Variants in GOLGA5 observed in about 807,000 individuals in gnomAD.
GOLGA5 encodes golgin subfamily A member 5.
Under a neutral mutation model 93.5 loss-of-function variants are expected in GOLGA5, and 50 were observed. The ratio of observed to expected loss-of-function variants is 0.53; its 90% CI spans 0.43 to 0.68. GOLGA5 has a LOEUF of 0.68. Ranked by LOEUF, GOLGA5 falls within the 30% of genes least tolerant of loss-of-function variation. The pLI is 0.00. For missense variants in GOLGA5, 760 were observed against 856.4 expected (o/e 0.89, Z 1.40); for synonymous variants, 312 against 304.5 (o/e 1.02, Z -0.26).
intron 7 of GOLGA5, among the ~76,000 whole-genome samples, chr14:92,818,282 G>A (rs1044132106): frequency 6.6e-6 from 1 of 152,200 alleles, no homozygotes; most frequent in African/African-American, 2.4e-5. Context: ...GAGCACGTAT[G>A]TTCCAGATAC....
rs147927461 is a variant in GOLGA5, at chr14:92,811,754, A to G, written c.1320A>G (p.Gln440=). 3.1e-6 allele frequency: 5 copies of G among 1,597,974 alleles called. No individual in the cohort carries two copies. The East Asian group carries it at 6.7e-5, about 21-fold the overall frequency. Residue 440 remains glutamine, a splice_region_variant and synonymous_variant, in exon 6 of 13, where the codon CAA becomes CAG. Coordinates refer to ENST00000163416, the MANE Select transcript of GOLGA5 (RefSeq NM_005113.4). ...AGCAAAAAGCTACTAGAATACTGCA[A>G]GTAAGCATGAAATGTACACTTTTGG... is the stretch of plus-strand genomic sequence containing the variant. ...DYKQKATRIL[Q]SKEKLINSLK...
In GOLGA5 at chr14:92,824,567, G is replaced by A. The variant is rs1229070924; in HGVS notation, c.1642G>A (p.Asp548Asn). ...GCAGGAGTTCCACTATATAGAAGAA[G>A]ATCTTTATCGAACAAAGAACACATT... ...LKQEFHYIEE[D>N]LYRTKNTLQS... The change falls in exon 9 of 13, where the codon GAT becomes AAT. Residue 548 changes from aspartate to asparagine, a missense_variant. Transcript: ENST00000163416. 6.3e-7 allele frequency: 1 copy of A among 1,597,152 alleles called. No homozygotes were observed. Among genetic ancestry groups the A allele is most frequent in the Non-Finnish European group, 8.6e-7 (1 of 1,167,086 alleles).
At chr14:92,833,062 A>G in intron 9 of GOLGA5, 60 bp from the exon 10 acceptor site, 2 of 913,686 alleles carry the variant, frequency 2.2e-6, no homozygotes, top group Admixed American at 3.5e-5. Context: ...TAGTAGTGTG[A>G]TTTCTGTATT....
At chr14:92,807,162 T>C (rs757511882) in intron 3 of GOLGA5, among the ~76,000 whole-genome samples, 199 bp downstream of exon 3, 1 of 151,866 alleles carries the variant, frequency 6.6e-6, no homozygotes, top group Non-Finnish European at 1.5e-5. Context: ...ATTAGTCAGA[T>C]GTGGTTGCAG....
chr14:92,814,680 A>C (rs1318551293), intron 6 of GOLGA5, among the ~76,000 whole-genome samples: 1 of 152,222 alleles, frequency 6.6e-6, no homozygotes, highest in African/African-American at 2.4e-5. Flanking sequence ...TACCACCCAG[A>C]AAAGGAAAAA....
intron 11 of GOLGA5, 65 bp downstream of exon 11, chr14:92,835,729 A>G: frequency 8.9e-6 from 8 of 899,312 alleles, no homozygotes; most frequent in Non-Finnish European, 1.3e-5. Flanking sequence ...CAGGGTTTCA[A>G]TCACAGTGAC....
intron 9 of GOLGA5, among the ~76,000 whole-genome samples, chr14:92,829,839 A>G (rs1415064683): frequency 6.6e-6 from 1 of 152,186 alleles, no homozygotes; most frequent in Non-Finnish European, 1.5e-5. Context: ...TCTTTCGTGA[A>G]GGGAAGAACC....
rs937762996 is a variant in GOLGA5 at position 92,830,389 on chromosome 14, A to T, written c.1720-2733A>T. 3.3e-4 allele frequency among the ~76,000 whole-genome samples: 42 copies of T among 127,566 alleles called. 1 individual carries two copies. Among genetic ancestry groups the T allele is most frequent in the African/African-American group, 1.3e-3 (41 of 31,922 alleles). 83.7% of individuals were successfully genotyped at this position (127,566 alleles called of 152,430 possible). ...ATTCGTAAACTTAAATCATTATGAG[A>T]TTTTTTTTGTGACTGGTATTTTTTT... is the stretch of plus-strand genomic sequence containing the variant. On this transcript the variant is annotated intron_variant, in intron 9 of 12. Coordinates refer to ENST00000163416, the MANE Select transcript of GOLGA5 (RefSeq NM_005113.4).
At chr14:92,834,345 C>G (rs1885594615) in intron 10 of GOLGA5, among the ~76,000 whole-genome samples, 2 of 151,942 alleles carry the variant, frequency 1.3e-5, no homozygotes, top group African/African-American at 2.4e-5. Context: ...AATACTATCC[C>G]TCCTCCCCCC....
intron 6 of GOLGA5, among the ~76,000 whole-genome samples, chr14:92,813,589 C>G (rs758172464): frequency 6.6e-6 from 1 of 152,154 alleles, no homozygotes; most frequent in African/African-American, 2.4e-5. Flanking sequence ...TGGAACATAA[C>G]GTCTTCAGAG....
chr14:92,808,421 G>A (rs1447515779), intron 3 of GOLGA5, among the ~76,000 whole-genome samples: 1 of 152,198 alleles, frequency 6.6e-6, no homozygotes, highest in Non-Finnish European at 1.5e-5. Context: ...AATTGCTGAA[G>A]CCAGGAGTTC....
At chr14:92,834,468 T>TTA (rs1885598294) in intron 10 of GOLGA5, among the ~76,000 whole-genome samples, 1 of 152,180 alleles carries the variant, frequency 6.6e-6, no homozygotes, top group East Asian at 1.9e-4. Flanking sequence ...AAGTGTCACT[T>TTA]CTTTAAAGTC....
chr14:92,800,242 G>A (rs1355324557), intron 2 of GOLGA5, among the ~76,000 whole-genome samples: 1 of 152,198 alleles, frequency 6.6e-6, no homozygotes, highest in Non-Finnish European at 1.5e-5. Context: ...ATTAAGTATG[G>A]TCAGAGTGTT....
At chr14:92,802,909 G>C (rs115151398) in intron 2 of GOLGA5, among the ~76,000 whole-genome samples, 69 of 152,076 alleles carry the variant, frequency 4.5e-4, no homozygotes, top group Admixed American at 1.7e-3. Flanking sequence ...GGATGCAGGT[G>C]CACACCACTG....
Position 92,816,262 on chromosome 14 carries a change from A to T in GOLGA5, c.1332A>T (p.Lys444Asn). 1 of 1,611,078 alleles carries T rather than the reference A, an allele frequency of 6.2e-7. No homozygotes were observed. The stretch of plus-strand genomic sequence containing the variant: ...TTCTTTTATAATAGTCTAAGGAAAA[A>T]TTGATTAACAGCTTGAAAGAAGGCT... ...KATRILQSKE[K>N]LINSLKEGSG... The change falls in exon 7 of 13, where the codon AAA (lysine) becomes AAT (asparagine). Residue 444 changes from lysine (K) to asparagine (N), a missense_variant. Coordinates refer to ENST00000163416, the MANE Select transcript of GOLGA5 (RefSeq NM_005113.4).
chr14:92,796,545 C>G (rs1004298782), intron 1 of GOLGA5, among the ~76,000 whole-genome samples: 2 of 152,082 alleles, frequency 1.3e-5, no homozygotes, highest in Non-Finnish European at 2.9e-5. Flanking sequence ...GCCACCCTGA[C>G]GACTCATTTT....
At chr14:92,837,256 C>A in intron 11 of GOLGA5, 130 bp from the exon 12 acceptor site, 1 of 547,156 alleles carries the variant, frequency 1.8e-6, no homozygotes. Flanking sequence ...AAAAATTGTT[C>A]TTCTGTGGTA....
chr14:92,814,043 G>A (rs1332444374), intron 6 of GOLGA5, among the ~76,000 whole-genome samples: 1 of 152,090 alleles, frequency 6.6e-6, no homozygotes, highest in Non-Finnish European at 1.5e-5. Flanking sequence ...AAAGAGAACA[G>A]GTTAGGGTTA....
intron 9 of GOLGA5, among the ~76,000 whole-genome samples, chr14:92,830,625 A>T (rs138511014): frequency 1.3e-5 from 2 of 152,034 alleles, no homozygotes; most frequent in Non-Finnish European, 1.5e-5. Flanking sequence ...GGGAGACAGG[A>T]TATTTGCTCT....
Sources: allele counts gnomAD v4.1 joint callset (sites outside exome capture counted in the v4.1 genomes callset), GRCh38; gene constraint gnomAD v4.1.1; transcripts MANE v1.5; gene names NCBI Gene and HGNC (gene_info 2026-07-23, HGNC 2026-07-21).